The following TSNAXIP1 variants were observed in gnomAD, a reference collection of about 807,000 sequenced individuals.
The protein encoded by TSNAXIP1 is translin-associated factor X-interacting protein 1.
In TSNAXIP1, 89 loss-of-function variants were observed where a neutral mutation model predicts 84.8. The observed-to-expected ratio is 1.05, with a 90% CI of 0.88 to 1.25. The LOEUF (loss-of-function observed/expected upper bound fraction) is 1.25. TSNAXIP1 is among the 50% of genes most tolerant of loss of function. The pLI, the probability that TSNAXIP1 is intolerant of heterozygous loss-of-function variation, is 0.00. For missense variants in TSNAXIP1, 874 were observed against 887.6 expected (o/e 0.98, Z 0.20); for synonymous variants, 347 against 335.2 (o/e 1.04, Z -0.39).
At chr16:67,821,266 GT>G in intron 4 of TSNAXIP1, 41 bp downstream of exon 4, 1 of 1,447,906 alleles carries the variant, frequency 6.9e-7, no homozygotes, top group Non-Finnish European at 9.4e-7. Flanking sequence ...CGGGGGAAGG[GT>G]GGGAAGAAGC....
intron 6 of TSNAXIP1, 103 bp downstream of exon 6, chr16:67,824,882 C>T: frequency 7.8e-7 from 1 of 1,287,972 alleles, no homozygotes; most frequent in Admixed American, 2.2e-5. Flanking sequence ...GAGAGTGACA[C>T]ACTGAGCCAC....
chr16:67,821,261 G>GTT, intron 4 of TSNAXIP1, 36 bp downstream of exon 4: 1 of 741,950 alleles, frequency 1.3e-6, no homozygotes, highest in Non-Finnish European at 2.2e-6. Flanking sequence ...GAGGGCGGGG[G>GTT]AAGGGTGGGA....
chr16:67,827,641 C>T, intron 15 of TSNAXIP1, 62 bp downstream of exon 15: 1 of 1,611,386 alleles, frequency 6.2e-7, no homozygotes, highest in Non-Finnish European at 8.5e-7. Flanking sequence ...CCTGGGTCTC[C>T]CTGTGCACCA....
Position 67,820,914 on chromosome 16 carries a change from C to A in TSNAXIP1, c.223C>A (p.Arg75=). 3 of 1,604,828 alleles carry A rather than the reference C, an allele frequency of 1.9e-6. No individual in the cohort carries two copies. The highest frequency in any genetic ancestry group is 1.3e-5 in the African/African-American group (1 of 74,808). Residue 75 remains arginine (R), a synonymous_variant, in exon 3 of 16, where the codon CGA becomes AGA. Coordinates refer to ENST00000561639, the MANE Select transcript of TSNAXIP1 (RefSeq NM_001288990.3). The part of the protein sequence containing the change: ...YTSGQTILQN[R]KPCSDDYRKR... ...CAGTGGCCAGACCATTTTGCAAAATCGAAAACCCTGTTCAGATGACTACCG... is the reference window on the plus strand; with the variant it reads ...CAGTGGCCAGACCATTTTGCAAAATAGAAAACCCTGTTCAGATGACTACCG...
chr16:67,807,002 C>T lies in TSNAXIP1; in HGVS notation c.-148C>T. On this transcript the variant is annotated 5_prime_UTR_variant, in exon 1 of 16. Transcript: ENST00000561639. ...TTGCTACTTTGTCCTACTCCCAGCCCGCGGGCGCTAGGCTCGGGGGCGTGG... is the reference window on the plus strand; with the variant it reads ...TTGCTACTTTGTCCTACTCCCAGCCTGCGGGCGCTAGGCTCGGGGGCGTGG... 7.6e-7 allele frequency: 1 copy of T among 1,319,752 alleles called. No homozygotes were observed. Among genetic ancestry groups the T allele is most frequent in the South Asian group, 1.5e-5 (1 of 67,000 alleles). The allele number at this position is 1,319,752 out of a possible 1,614,324, so 81.8% of individuals were successfully genotyped here. A position where few individuals can be genotyped will look rare whatever the true frequency, so the allele number is the denominator to read the frequency against.
chr16:67,816,947 C>CT (rs539347982), intron 2 of TSNAXIP1, among the ~76,000 whole-genome samples: 6,011 of 140,176 alleles, frequency 0.043, 359 homozygotes, highest in African/African-American at 0.14. Context: ...GAGGACTGGT[C>CT]TTTTTTTTTT....
Position 67,826,779 on chromosome 16 carries a change from G to A in TSNAXIP1, c.1489G>A (p.Glu497Lys). The A allele has an allele frequency of 1.2e-6, 2 of 1,614,124 alleles. No homozygotes were observed. The highest frequency in any genetic ancestry group is 1.7e-6 in the Non-Finnish European group (2 of 1,180,028). ...DAMAWAYTIF[E>K]NIKIFHSNEV... ...CATGGCCTGGGCTTATACTATTTTTGAAAATATCAAGATCTTCCACTCCAA... is the reference window on the plus strand; with the variant it reads ...CATGGCCTGGGCTTATACTATTTTTAAAAATATCAAGATCTTCCACTCCAA... The change falls in exon 12 of 16, where the codon GAA (glutamate) becomes AAA (lysine). Residue 497 changes from glutamate (E) to lysine (K), a missense_variant. Coordinates refer to ENST00000561639, the MANE Select transcript of TSNAXIP1 (RefSeq NM_001288990.3).
intron 1 of TSNAXIP1, among the ~76,000 whole-genome samples, chr16:67,809,611 G>T (rs2055848434): frequency 6.6e-6 from 1 of 150,498 alleles, no homozygotes. Flanking sequence ...GGGAGACACA[G>T]CAAGACTCCG....
At chr16:67,807,618 C>T in intron 1 of TSNAXIP1, 1 of 272,412 alleles carries the variant, frequency 3.7e-6, no homozygotes, top group Non-Finnish European at 7.3e-6. Flanking sequence ...GCATGCGCCA[C>T]TACGCTTGGC....
intron 2 of TSNAXIP1, among the ~76,000 whole-genome samples, chr16:67,817,315 ATT>A (rs561026786): frequency 3.9e-4 from 50 of 128,850 alleles, no homozygotes; most frequent in African/African-American, 5.6e-4. Context: ...GCGCCCGGCT[ATT>A]TTTTTTTTTT....
chr16:67,815,377 G>C (rs537868719), intron 2 of TSNAXIP1, among the ~76,000 whole-genome samples: 3 of 150,570 alleles, frequency 2.0e-5, no homozygotes, highest in Non-Finnish European at 4.4e-5. Context: ...TTGCCTGTCA[G>C]GGTGCAGTGG....
intron 4 of TSNAXIP1, among the ~76,000 whole-genome samples, chr16:67,823,265 C>T (rs1229272961): frequency 6.6e-6 from 1 of 152,188 alleles, no homozygotes; most frequent in East Asian, 1.9e-4. Context: ...AAAAACAGTG[C>T]CAGGCACAGT....
At chr16:67,823,412 G>A (rs138079899) in intron 4 of TSNAXIP1, among the ~76,000 whole-genome samples, 114 of 152,096 alleles carry the variant, frequency 7.5e-4, no homozygotes, top group Non-Finnish European at 7.6e-4. Flanking sequence ...GTGTGGTGGC[G>A]CGTGCCTGTA....
chr16:67,822,728 G>A (rs1360870259), intron 4 of TSNAXIP1, among the ~76,000 whole-genome samples: 1 of 152,232 alleles, frequency 6.6e-6, no homozygotes, highest in Non-Finnish European at 1.5e-5. Context: ...CTATGTGCAA[G>A]TGCAAGGCCC....
intron 2 of TSNAXIP1, among the ~76,000 whole-genome samples, chr16:67,815,824 G>A (rs2056500393): frequency 1.3e-5 from 2 of 151,052 alleles, no homozygotes; most frequent in Admixed American, 6.6e-5. Context: ...TTTTGAGATG[G>A]GGTCTTGCTC....
chr16:67,816,769 C>A (rs1001195524), intron 2 of TSNAXIP1, among the ~76,000 whole-genome samples: 1 of 151,960 alleles, frequency 6.6e-6, no homozygotes. Flanking sequence ...GCAGAGAGCA[C>A]GGAGCGCCCG....
intron 1 of TSNAXIP1, among the ~76,000 whole-genome samples, chr16:67,811,773 T>A (rs2151196085): frequency 6.6e-6 from 1 of 152,238 alleles, no homozygotes; most frequent in South Asian, 2.1e-4. Context: ...AAGGTATTGA[T>A]TTAACCCAGT....
In TSNAXIP1 at chr16:67,827,272, C is replaced by G. The variant is rs1417049984; in HGVS notation, c.1688C>G (p.Pro563Arg). 1.9e-6 allele frequency: 3 copies of G among 1,614,234 alleles called. No homozygotes were observed. In the East Asian group the frequency reaches 6.7e-5, roughly 36 times the overall value. Residue 563 changes from proline to arginine, a missense_variant, in exon 14 of 16, where the codon CCT (proline) becomes CGT (arginine). Physicochemically the swap from Pro to Arg is moderately radical, Grantham distance 103. Transcript: ENST00000561639. ...AGCACTGTCCTCAAGAGTACCTTCC[C>G]TCTCAAGACAGAAGAGCAAATCCAG... ...QFNTVLKSTF[P>R]LKTEEQIQEL...
chr16:67,826,309 T>G (rs921881494), intron 10 of TSNAXIP1, 27 bp downstream of exon 10: 3 of 1,579,252 alleles, frequency 1.9e-6, no homozygotes, highest in African/African-American at 2.7e-5. Flanking sequence ...GAGTGGGGCT[T>G]GGGCCAGAGT....
Sources: gnomAD v4.1 joint callset for allele counts (sites outside exome capture counted in the v4.1 genomes callset) on GRCh38, gnomAD v4.1.1 for gene constraint, MANE v1.5 for transcripts, NCBI Gene and HGNC (gene_info 2026-07-23, HGNC 2026-07-21) for gene names.